The following PYGM variants were observed in gnomAD, a reference collection of about 807,000 sequenced individuals.
PYGM encodes the protein glycogen phosphorylase, muscle associated.
Under a neutral mutation model 99.3 loss-of-function variants are expected in PYGM, and 81 were observed. The ratio of observed to expected loss-of-function variants is 0.82; its 90% CI spans 0.68 to 0.98. PYGM has a LOEUF of 0.98. PYGM is among the 50% of genes least tolerant of loss of function. The pLI is 0.00. For synonymous variants in PYGM, 436 were observed against 451.5 expected, an observed-to-expected ratio of 0.97 and a Z score of 0.44; for missense variants, 1,030 against 1,158.1, an observed-to-expected ratio of 0.89 and a Z score of 1.61.
chr11:64,747,187 G>A (rs376813233), intron 18 of PYGM, 37 bp downstream of exon 18: 57 of 1,611,376 alleles, frequency 3.5e-5, no homozygotes, highest in Non-Finnish European at 4.1e-5. Flanking sequence ...TCTGCCCTGC[G>A]GCCCCACCTG....
At chr11:64,757,672 C>A (rs2058402156) in intron 5 of PYGM, 107 bp downstream of exon 5, 1 of 1,508,714 alleles carries the variant, frequency 6.6e-7, no homozygotes, top group South Asian at 1.2e-5. Context: ...CCTCTCTGAG[C>A]CTCAGCATCC....
At position 64,754,512 on chromosome 11, in the gene PYGM, G is replaced by T; in HGVS notation, c.1000-167C>A. 1 of 995,426 alleles carries T rather than the reference G, an allele frequency of 1.0e-6. No individual in the cohort carries two copies. The highest frequency in any genetic ancestry group is 1.5e-6 in the Non-Finnish European group (1 of 669,776). 61.7% of individuals were successfully genotyped at this position (995,426 alleles called of 1,614,324 possible). A position where few individuals can be genotyped will look rare whatever the true frequency, so the allele number is the denominator to read the frequency against. On this transcript the variant is annotated intron_variant, in intron 8 of 19. Coordinates refer to ENST00000164139, the MANE Select transcript of PYGM (RefSeq NM_005609.4). The surrounding 1 kb of genome is among the most constrained non-coding windows in gnomAD (Gnocchi z 5.5). The stretch of plus-strand genomic sequence containing the variant: ...GGGTGGGAGGAATGGGGGGAGTGGG[G>T]CGGGAGGAGGAGGGAAGCCCAGGTT...
At chr11:64,747,143 C>T in intron 18 of PYGM, 81 bp downstream of exon 18, 9 of 1,587,728 alleles carry the variant, frequency 5.7e-6, no homozygotes, top group East Asian at 2.2e-5. Flanking sequence ...CCAGGACCCG[C>T]GTCCGGCTTC....
rs971219363 is a variant in PYGM at position 64,754,441 on chromosome 11, C to T, written c.1000-96G>A. Reference sequence around the variant, plus strand: ...TTGGAGGCCCCCAGAGAGCCCAGCACGGTTCTGTGACTGGGCTGTGGGCAG... The same window carrying T: ...TTGGAGGCCCCCAGAGAGCCCAGCATGGTTCTGTGACTGGGCTGTGGGCAG... On this transcript the variant is annotated intron_variant, in intron 8 of 19. Transcript: ENST00000164139. The surrounding 1 kb of genome is among the most constrained non-coding windows in gnomAD (Gnocchi z 5.5). The T allele has an allele frequency of 1.1e-5, 10 of 941,814 alleles. No individual in the cohort carries two copies. Among genetic ancestry groups the T allele is most frequent in the Middle Eastern group, 2.7e-4 (1 of 3,752 alleles). 58.3% of individuals were successfully genotyped at this position (941,814 alleles called of 1,614,324 possible).
At position 64,759,960 on chromosome 11, in the gene PYGM, C is replaced by T; in HGVS notation, c.-62G>A. On this transcript the variant is annotated 5_prime_UTR_variant, in exon 1 of 20. Coordinates refer to ENST00000164139, the MANE Select transcript of PYGM (RefSeq NM_005609.4). ...GAGGGGACGGCGGCCTCAGCACTGC[C>T]TCCAGCCAAGGAGTGGAGCTCCCCA... 6.3e-7 allele frequency: 1 copy of T among 1,599,702 alleles called. No homozygotes were observed. Among genetic ancestry groups the T allele is most frequent in the South Asian group, 1.1e-5 (1 of 89,552 alleles).
Position 64,753,027 on chromosome 11 carries a change from T to G in PYGM, c.1518+46A>C, listed in dbSNP as rs766841673. ...TACACGACCATACCCAGCTGATCCCTGCAGGGACCCATGTTGACTCTACTG... is the reference window on the plus strand; with the variant it reads ...TACACGACCATACCCAGCTGATCCCGGCAGGGACCCATGTTGACTCTACTG... On this transcript the variant is annotated intron_variant, in intron 12 of 19. Transcript: ENST00000164139. The G allele has an allele frequency of 4.0e-6, 6 of 1,508,120 alleles. No homozygotes were observed. In the South Asian group the frequency reaches 6.8e-5, roughly 17 times the overall value. 93.4% of individuals were successfully genotyped at this position (1,508,120 alleles called of 1,614,324 possible). A position where few individuals can be genotyped will look rare whatever the true frequency, so the allele number is the denominator to read the frequency against.
rs2058377958 is a variant in PYGM at position 64,754,080 on chromosome 11, A to C, written c.1093-55T>G. On this transcript the variant is annotated intron_variant, in intron 9 of 19. Coordinates refer to ENST00000164139, the MANE Select transcript of PYGM (RefSeq NM_005609.4). The surrounding 1 kb of genome is among the most constrained non-coding windows in gnomAD (Gnocchi z 5.5). ...TGACCTCAGCCCAGTGGGTCTCCTC[A>C]CACACTACGCATCCCAGTGGGCCCC... is the stretch of plus-strand genomic sequence containing the variant. 3.7e-6 allele frequency: 6 copies of C among 1,600,138 alleles called. No individual in the cohort carries two copies. The highest frequency in any genetic ancestry group is 4.3e-6 in the Non-Finnish European group (5 of 1,173,418).
chr11:64,758,572 GT>G, intron 2 of PYGM, 30 bp downstream of exon 2: 1 of 1,613,400 alleles, frequency 6.2e-7, no homozygotes, highest in Non-Finnish European at 8.5e-7. Context: ...GAATCCCCCA[GT>G]CCCCACGGCT....
At chr11:64,752,203 A>G in intron 13 of PYGM, 132 bp from the exon 14 acceptor site, 1 of 1,391,604 alleles carries the variant, frequency 7.2e-7, no homozygotes, top group Non-Finnish European at 1.0e-6. Context: ...CTCCTGTACC[A>G]GGGCAGACAT....
chr11:64,751,802 G>C, intron 14 of PYGM, 122 bp downstream of exon 14: 1 of 1,532,742 alleles, frequency 6.5e-7, no homozygotes, highest in East Asian at 2.3e-5. Flanking sequence ...CTGTGAAATG[G>C]GGATAATTCC....
rs759260599 is a variant in PYGM, at chr11:64,746,790, G to A, written c.2398C>T (p.Arg800Trp). 1.2e-5 allele frequency: 20 copies of A among 1,614,136 alleles called. No homozygotes were observed. Among genetic ancestry groups the A allele is most frequent in the Middle Eastern group, 3.3e-4 (2 of 6,062 alleles). The stretch of plus-strand genomic sequence containing the variant: ...GTGGCTATGTTCCGGATCACCATCC[G>A]CGTCCACTCTCTTGGGTTCTGCAGG... ...ALYKNPREWT[R>W]MVIRNIATSG... The change falls in exon 20 of 20, where the codon CGG becomes TGG. Residue 800 changes from arginine to tryptophan, a missense_variant. Transcript: ENST00000164139.
In PYGM at chr11:64,759,974, T is replaced by C. The variant is rs139467558; in HGVS notation, c.-76A>G. ...CTCAGCACTGCCTCCAGCCAAGGAG[T>C]GGAGCTCCCCAGCCTCAAGGGGATT... On this transcript the variant is annotated 5_prime_UTR_variant, in exon 1 of 20. Coordinates refer to ENST00000164139, the MANE Select transcript of PYGM (RefSeq NM_005609.4). 716 of 1,585,562 alleles carry C rather than the reference T, an allele frequency of 4.5e-4. 8 individuals carry two copies. The East Asian group carries it at 0.014, about 32-fold the overall frequency.
chr11:64,758,131 A>G, intron 4 of PYGM, 115 bp downstream of exon 4: 1 of 1,400,810 alleles, frequency 7.1e-7, no homozygotes, highest in East Asian at 2.3e-5. Flanking sequence ...GGGAGCAGCA[A>G]GGATGCTTTC....
At position 64,752,447 on chromosome 11, in the gene PYGM, C is replaced by T; in HGVS notation, c.1576G>A (p.Val526Met). 6.2e-7 allele frequency: 1 copy of T among 1,614,256 alleles called. No individual in the cohort carries two copies. The highest frequency in any genetic ancestry group is 1.1e-5 in the South Asian group (1 of 91,086). The change falls in exon 13 of 20, where the codon GTG (valine) becomes ATG (methionine). Residue 526 changes from valine (V) to methionine (M), a missense_variant. By Grantham distance (21) the Val-to-Met change is conservative. Transcript: ENST00000164139. ...LDQLRKLLSF[V>M]DDEAFIRDVA... is the part of the protein sequence containing the mutation. ...TCCCGAATGAAAGCTTCATCATCCA[C>T]AAAGGAGAGCAGTTTGCGCAGCTGG...
intron 17 of PYGM, among the ~76,000 whole-genome samples, chr11:64,750,088 G>A (rs183483307): frequency 9.9e-5 from 15 of 152,182 alleles, no homozygotes; most frequent in Non-Finnish European, 1.9e-4. Flanking sequence ...CACCGCACCC[G>A]GCGTAGAGCA....
rs1245833404 is a variant in PYGM at position 64,754,234 on chromosome 11, G to T, written c.1092+19C>A. 3 of 1,602,426 alleles carry T rather than the reference G, an allele frequency of 1.9e-6. No homozygotes were observed. The highest frequency in any genetic ancestry group is 2.6e-6 in the Non-Finnish European group (3 of 1,169,736). Reference sequence around the variant, plus strand: ...GAGGCAGAGAGCATCAGATGGGGCAGAGGGGCCCTGAAGCCCACCTTGTCC... The same window carrying T: ...GAGGCAGAGAGCATCAGATGGGGCATAGGGGCCCTGAAGCCCACCTTGTCC... On this transcript the variant is annotated intron_variant, in intron 9 of 19. Transcript: ENST00000164139. The surrounding 1 kb of genome is among the most constrained non-coding windows in gnomAD (Gnocchi z 5.5).
Position 64,747,100 on chromosome 11 carries a change from C to T in PYGM, c.2313-113G>A. The T allele has an allele frequency of 2.5e-6, 4 of 1,568,688 alleles. No homozygotes were observed. In the South Asian group the frequency reaches 4.5e-5, roughly 17 times the overall value. The stretch of plus-strand genomic sequence containing the variant: ...GTGGACAGCCGGGGACCTAGAGGGT[C>T]ATGCTGCTTCCAAAGGCGCCTGGCT... On this transcript the variant is annotated intron_variant, in intron 18 of 19. Transcript: ENST00000164139.
Position 64,755,567 on chromosome 11 carries a change from G to A in PYGM, c.661-9C>T, listed in dbSNP as rs776779910. 4.3e-6 allele frequency: 7 copies of A among 1,611,186 alleles called. No homozygotes were observed. Among genetic ancestry groups the A allele is most frequent in the Non-Finnish European group, 5.9e-6 (7 of 1,177,552 alleles). On this transcript the variant is annotated splice_polypyrimidine_tract_variant and intron_variant, in intron 5 of 19. Coordinates refer to ENST00000164139, the MANE Select transcript of PYGM (RefSeq NM_005609.4). The surrounding 1 kb of genome is among the most constrained non-coding windows in gnomAD (Gnocchi z 4.1). ...GGCATGGCCAGTACCACCTGCGGGG[G>A]GCAATCCTGTCAGGAGCTGGCCAGC...
intron 5 of PYGM, among the ~76,000 whole-genome samples, chr11:64,756,211 C>T (rs940199005): frequency 1.3e-5 from 2 of 152,186 alleles, no homozygotes; most frequent in South Asian, 2.1e-4. Flanking sequence ...GACCCATCCC[C>T]GAGCACACAG....
Sources: allele counts gnomAD v4.1 joint callset (sites outside exome capture counted in the v4.1 genomes callset), GRCh38; gene constraint gnomAD v4.1.1; non-coding constraint Gnocchi (gnomAD v3.1); transcripts MANE v1.5; gene names NCBI Gene and HGNC (gene_info 2026-07-23, HGNC 2026-07-21).